The following NADSYN1 variants were observed in gnomAD, a reference collection of about 807,000 sequenced individuals.
NADSYN1 encodes the protein glutamine-dependent NAD(+) synthetase.
A neutral mutation model predicts 99.3 loss-of-function variants in NADSYN1; 80 were observed. The observed-to-expected ratio is 0.81, with a 90% CI of 0.67 to 0.97. The LOEUF (loss-of-function observed/expected upper bound fraction) is 0.97, where lower values mean the gene tolerates loss of function less well. Among genes scored for constraint, NADSYN1 ranks in the 50% least tolerant of loss-of-function variants. The pLI is 0.00. For missense variants in NADSYN1, 859 were observed against 948.5 expected (o/e 0.91, Z 1.24); for synonymous variants, 385 against 372.1 (o/e 1.03, Z -0.40).
At chr11:71,501,051 G>A (rs888058112) in intron 20 of NADSYN1, among the ~76,000 whole-genome samples, 8 of 152,170 alleles carry the variant, frequency 5.3e-5, no homozygotes, top group Admixed American at 1.3e-4. Context: ...AAAGAGTGAC[G>A]CATGTGGGAG....
In NADSYN1 at chr11:71,478,412, G is replaced by A. The variant is rs780531304; in HGVS notation, c.816G>A (p.Thr272=). 17 of 1,608,176 alleles carry A rather than the reference G, an allele frequency of 1.1e-5. No individual in the cohort carries two copies. Among genetic ancestry groups the A allele is most frequent in the Middle Eastern group, 3.3e-4 (2 of 6,078 alleles). The change falls in exon 10 of 21, where the codon ACG becomes ACA. Residue 272 remains threonine (T), a synonymous_variant. Transcript: ENST00000319023. ...TTCTCCAGGAAGTCCTGACGGCCAC[G>A]CTGGATCTGGAGGACGTCCGGAGCT... ...SLDDVEVLTA[T]LDLEDVRSYR...
rs1461593501 is a variant in NADSYN1 at position 71,481,394 on chromosome 11, G to A, written c.1037G>A (p.Arg346Gln). ...PACWLWDFLR[R>Q]SQQAGFLLPL... ...TGCTGGCTCTGGGATTTTTTAAGAC[G>A]AAGTCAACAGGTAAGACTTCCAGTT... is the stretch of plus-strand genomic sequence containing the variant. The change falls in exon 12 of 21, where the codon CGA becomes CAA. Residue 346 changes from arginine to glutamine, a missense_variant. Transcript: ENST00000319023. 3.1e-6 allele frequency: 5 copies of A among 1,614,008 alleles called. No individual in the cohort carries two copies. Among genetic ancestry groups the A allele is most frequent in the African/African-American group, 1.3e-5 (1 of 75,016 alleles).
At chr11:71,486,514 T>C (rs1477478054) in intron 16 of NADSYN1, among the ~76,000 whole-genome samples, 1 of 152,040 alleles carries the variant, frequency 6.6e-6, no homozygotes, top group African/African-American at 2.4e-5. Context: ...CATCTGTCTA[T>C]GCATTCATCC....
chr11:71,492,016 C>A, intron 18 of NADSYN1, 113 bp downstream of exon 18: 1 of 970,288 alleles, frequency 1.0e-6, no homozygotes, highest in Non-Finnish European at 1.5e-6. Flanking sequence ...ATCGCTGTCA[C>A]TGGGTCCCTG....
chr11:71,478,016 G>T lies in NADSYN1; in HGVS notation c.799-379G>T, dbSNP rs535892479. Among the ~76,000 whole-genome samples the T allele has an allele frequency of 2.6e-5, 4 of 151,934 alleles. No homozygotes were observed. In the South Asian group the frequency reaches 8.3e-4, roughly 31 times the overall value. The stretch of plus-strand genomic sequence containing the variant: ...CTGGCAGAGGCTTACTGACACTGGG[G>T]TGTCTTACTGACAGGGGTGTGTCTT... On this transcript the variant is annotated intron_variant, in intron 9 of 20. Transcript: ENST00000319023.
At chr11:71,499,062 C>T (rs1949840433) in intron 20 of NADSYN1, 1 of 153,578 alleles carries the variant, frequency 6.5e-6, no homozygotes, top group Non-Finnish European at 1.4e-5. Flanking sequence ...CTCTGCCTGG[C>T]TTATTTCCCT....
chr11:71,498,900 C>T (rs748387376), intron 20 of NADSYN1: 12 of 167,188 alleles, frequency 7.2e-5, no homozygotes, highest in Non-Finnish European at 1.2e-4. Flanking sequence ...CCATGTCATG[C>T]ACTGGAGCTG....
chr11:71,453,206 C>G lies in NADSYN1; in HGVS notation c.-91C>G, dbSNP rs1949490092. ...CGGGGAGGGGGCGGGGCCGGGCAAC[C>G]CGGAAGGTCCGGCGTCCCAGCCGCC... On this transcript the variant is annotated 5_prime_UTR_variant, in exon 1 of 21. Coordinates refer to ENST00000319023, the MANE Select transcript of NADSYN1 (RefSeq NM_018161.5). The G allele has an allele frequency of 8.6e-7, 1 of 1,158,114 alleles. No homozygotes were observed. The highest frequency in any genetic ancestry group is 1.2e-6 in the Non-Finnish European group (1 of 800,382). The allele number at this position is 1,158,114 out of a possible 1,614,324, so 71.7% of individuals were successfully genotyped here.
chr11:71,461,810 C>G (rs1949552734), intron 3 of NADSYN1, among the ~76,000 whole-genome samples: 1 of 152,178 alleles, frequency 6.6e-6, no homozygotes, highest in South Asian at 2.1e-4. Flanking sequence ...ACAGTGCCAA[C>G]CCATTCATAA....
At chr11:71,494,943 A>C (rs182385587) in intron 18 of NADSYN1, among the ~76,000 whole-genome samples, 69 of 151,768 alleles carry the variant, frequency 4.5e-4, no homozygotes, top group Non-Finnish European at 7.7e-4. Flanking sequence ...TGGTCATTTT[A>C]GCTAAAGGTT....
At position 71,484,198 on chromosome 11, in the gene NADSYN1, G is replaced by C. The variant is rs185273313; in HGVS notation, c.1320-114G>C. 252 of 1,441,012 alleles carry C rather than the reference G, an allele frequency of 1.7e-4. 3 individuals carry two copies. In the East Asian group the frequency reaches 5.7e-3, roughly 33 times the overall value. The allele number at this position is 1,441,012 out of a possible 1,614,324, so 89.3% of individuals were successfully genotyped here. On this transcript the variant is annotated intron_variant, in intron 14 of 20. Coordinates refer to ENST00000319023, the MANE Select transcript of NADSYN1 (RefSeq NM_018161.5). ...GATTGCTAAACACCACAAATCATAC[G>C]CTTTAAATGGGTTACAATGGTCAGT...
intron 2 of NADSYN1, among the ~76,000 whole-genome samples, chr11:71,456,717 C>A (rs529070439): frequency 5.3e-5 from 8 of 152,348 alleles, no homozygotes; most frequent in African/African-American, 1.9e-4. Flanking sequence ...ACTAAAGGCC[C>A]CCGGGATGGA....
chr11:71,498,586 G>A, intron 20 of NADSYN1, 58 bp downstream of exon 20: 1 of 1,571,650 alleles, frequency 6.4e-7, no homozygotes, highest in Non-Finnish European at 8.7e-7. Context: ...AGAAACGTGA[G>A]GTTATTTCCA....
intron 9 of NADSYN1, chr11:71,477,302 T>C: frequency 7.8e-7 from 1 of 1,274,246 alleles, no homozygotes; most frequent in Non-Finnish European, 1.0e-6. Flanking sequence ...CTCATCTCCA[T>C]TGTTTTATGG....
chr11:71,480,802 C>T lies in NADSYN1; in HGVS notation c.921C>T (p.Leu307=). 1 of 1,614,220 alleles carries T rather than the reference C, an allele frequency of 6.2e-7. No homozygotes were observed. ...PYPRVKVDFA[L]SCHEDLLAPI... The stretch of plus-strand genomic sequence containing the variant: ...CCAGAGTGAAGGTGGACTTTGCCCT[C>T]TCGTGCCACGAGGACTTGCTGGCAC... The change falls in exon 11 of 21, where the codon CTC becomes CTT. Residue 307 remains leucine (L), a synonymous_variant. Coordinates refer to ENST00000319023, the MANE Select transcript of NADSYN1 (RefSeq NM_018161.5).
At chr11:71,497,954 A>C (rs1415688667) in intron 19 of NADSYN1, among the ~76,000 whole-genome samples, 1 of 152,184 alleles carries the variant, frequency 6.6e-6, no homozygotes, top group Non-Finnish European at 1.5e-5. Flanking sequence ...AGTCCAATGG[A>C]ACCTCCTGGA....
chr11:71,474,245 G>A, intron 8 of NADSYN1, 150 bp from the exon 9 acceptor site: 1 of 1,017,866 alleles, frequency 9.8e-7, no homozygotes, highest in Admixed American at 2.3e-5. Context: ...ACAGGTCTGT[G>A]CTTCCCCACA....
intron 18 of NADSYN1, among the ~76,000 whole-genome samples, chr11:71,494,092 G>A (rs2120515893): frequency 6.6e-6 from 1 of 152,258 alleles, no homozygotes; most frequent in South Asian, 2.1e-4. Flanking sequence ...ATTGACTGTA[G>A]CCTAAGTTTA....
rs538175161 is a variant in NADSYN1, at chr11:71,486,997, G to A, written c.1562+1349G>A. On this transcript the variant is annotated intron_variant, in intron 16 of 20. Transcript: ENST00000319023. The stretch of plus-strand genomic sequence containing the variant: ...ATTTTTTTGTATTTTTAGTAGAGAC[G>A]GTGTTTCACCGTGTTAGCCAGGATG... Among the ~76,000 whole-genome samples the A allele has an allele frequency of 3.3e-5, 5 of 151,838 alleles. No individual in the cohort carries two copies. In the South Asian group the frequency reaches 6.2e-4, roughly 19 times the overall value.
Sources: allele counts gnomAD v4.1 joint callset (sites outside exome capture counted in the v4.1 genomes callset), GRCh38; gene constraint gnomAD v4.1.1; transcripts MANE v1.5; gene names NCBI Gene and HGNC (gene_info 2026-07-23, HGNC 2026-07-21).